Variants in THSD4 observed in about 807,000 individuals in gnomAD.
THSD4 encodes the protein thrombospondin type 1 domain containing 4.
THSD4 carries 69 observed loss-of-function variants against 119.0 expected under a neutral mutation model. The ratio of observed to expected loss-of-function variants is 0.58; its 90% CI spans 0.48 to 0.71. The LOEUF (loss-of-function observed/expected upper bound fraction) is 0.71. THSD4 is among the 30% of genes least tolerant of loss of function. The probability of loss-of-function intolerance (pLI) is 0.00; values close to 1 mark genes in which losing one functional copy is unlikely to be tolerated. For missense variants in THSD4, 1,393 were observed against 1,391.1 expected (o/e 1.00, Z -0.02); for synonymous variants, 524 against 540.4 (o/e 0.97, Z 0.42).
At chr15:71,236,761 C>A (rs2140269317) in intron 4 of THSD4, among the ~76,000 whole-genome samples, 1 of 152,220 alleles carries the variant, frequency 6.6e-6, no homozygotes, top group South Asian at 2.1e-4. Flanking sequence ...GAGCCTGCAG[C>A]CTGGTCAACT....
At chr15:71,642,805 TG>T (rs1210263886) in intron 7 of THSD4, among the ~76,000 whole-genome samples, 1 of 118,350 alleles carries the variant, frequency 8.4e-6, no homozygotes, top group Non-Finnish European at 1.7e-5. Context: ...TGTTGTGGGG[TG>T]GGGGGAGTGG....
chr15:71,376,852 G>T (rs2046143630), intron 6 of THSD4, among the ~76,000 whole-genome samples: 1 of 152,236 alleles, frequency 6.6e-6, no homozygotes, highest in African/African-American at 2.4e-5. Context: ...GGTAAGATCA[G>T]ATTTTGAGGG....
chr15:71,581,168 A>G (rs2049551277), intron 7 of THSD4, among the ~76,000 whole-genome samples: 1 of 152,160 alleles, frequency 6.6e-6, no homozygotes, highest in South Asian at 2.1e-4. Context: ...ACCAGTTTGC[A>G]TTTCCATCAA....
At chr15:71,390,936 T>G (rs1267816446) in intron 6 of THSD4, among the ~76,000 whole-genome samples, 3 of 134,790 alleles carry the variant, frequency 2.2e-5, no homozygotes, top group African/African-American at 8.2e-5. Context: ...CATAGCTCAC[T>G]GCACCCTTGA....
At chr15:71,510,943 TTGTG>T (rs56231960) in intron 7 of THSD4, among the ~76,000 whole-genome samples, 393 of 98,904 alleles carry the variant, frequency 4.0e-3, no homozygotes, top group South Asian at 7.8e-3. Flanking sequence ...GAGTGATGTT[TTGTG>T]TGAGAGGATG....
chr15:71,515,380 G>A (rs1162402486), intron 7 of THSD4, among the ~76,000 whole-genome samples: 28 of 152,194 alleles, frequency 1.8e-4, no homozygotes, highest in Non-Finnish European at 1.5e-5. Context: ...ATTGATGTTT[G>A]AGTGTAGTAG....
chr15:71,427,510 G>C (rs1449076889), intron 7 of THSD4, among the ~76,000 whole-genome samples: 1 of 151,054 alleles, frequency 6.6e-6, no homozygotes, highest in African/African-American at 2.4e-5. Flanking sequence ...TCTCCAGGGA[G>C]GGCAGGAGTC....
chr15:71,358,974 G>A (rs1177915516), intron 6 of THSD4, among the ~76,000 whole-genome samples: 1 of 152,170 alleles, frequency 6.6e-6, no homozygotes, highest in Non-Finnish European at 1.5e-5. Context: ...AGCCCACCCT[G>A]TCAGCTATTT....
At chr15:71,433,125 T>C (rs1200403771) in intron 7 of THSD4, among the ~76,000 whole-genome samples, 1 of 151,742 alleles carries the variant, frequency 6.6e-6, no homozygotes, top group East Asian at 1.9e-4. Flanking sequence ...AGAACAGTTT[T>C]TTAATGTGGA....
At chr15:71,337,844 A>C (rs7180866) in intron 6 of THSD4, among the ~76,000 whole-genome samples, 53,080 of 151,964 alleles carry the variant, frequency 0.35, 9,537 homozygotes, top group South Asian at 0.45. Flanking sequence ...ATGTAGGCAG[A>C]AATGGGCAAT....
intron 6 of THSD4, among the ~76,000 whole-genome samples, chr15:71,284,067 G>T (rs1028705171): frequency 1.3e-5 from 2 of 152,174 alleles, no homozygotes; most frequent in African/African-American, 2.4e-5. Flanking sequence ...TTTCTCTTAA[G>T]TGTCCTTAGC....
chr15:71,242,576 G>C (rs773540814), intron 4 of THSD4, 73 bp from the exon 5 acceptor site: 1 of 1,513,708 alleles, frequency 6.6e-7, no homozygotes. Flanking sequence ...TCTCTACCAC[G>C]GACCAGAGCT....
At chr15:71,248,427 G>A (rs1463940287) in intron 5 of THSD4, among the ~76,000 whole-genome samples, 1 of 152,180 alleles carries the variant, frequency 6.6e-6, no homozygotes, top group Non-Finnish European at 1.5e-5. Flanking sequence ...AGAGGAGACT[G>A]ATTGATACTC....
chr15:71,631,426 C>T lies in THSD4; in HGVS notation c.1153-29104C>T, dbSNP rs76753304. 2.5e-3 allele frequency among the ~76,000 whole-genome samples: 375 copies of T among 152,204 alleles called. 1 individual carries two copies. The highest frequency in any genetic ancestry group is 8.7e-3 in the African/African-American group (361 of 41,534). Reference sequence around the variant, plus strand: ...AGGAAAGGCCGAGAATGACAAACACCCTCACTAAGTCTCTGTGTTTGCTCT... The same window carrying T: ...AGGAAAGGCCGAGAATGACAAACACTCTCACTAAGTCTCTGTGTTTGCTCT... On this transcript the variant is annotated intron_variant, in intron 7 of 17. Coordinates refer to ENST00000261862, the MANE Select transcript of THSD4 (RefSeq NM_024817.3).
intron 7 of THSD4, among the ~76,000 whole-genome samples, chr15:71,526,817 A>C (rs932962981): frequency 7.2e-5 from 11 of 152,204 alleles, no homozygotes; most frequent in African/African-American, 2.7e-4. Flanking sequence ...CCTAGAATAG[A>C]TTCTCTTATA....
Position 71,206,989 on chromosome 15 carries a change from A to G in THSD4, c.100-8046A>G, listed in dbSNP as rs150745147. 1.2e-3 allele frequency among the ~76,000 whole-genome samples: 182 copies of G among 152,242 alleles called. 2 individuals are homozygous for G. In the East Asian group the frequency reaches 0.031, roughly 26 times the overall value. ...TGTTCCTATGCTACAGAATCTTTACATTATTATAATCATGGTGTCGTTATA... is the reference window on the plus strand; with the variant it reads ...TGTTCCTATGCTACAGAATCTTTACGTTATTATAATCATGGTGTCGTTATA... On this transcript the variant is annotated intron_variant, in intron 3 of 17. Coordinates refer to ENST00000261862, the MANE Select transcript of THSD4 (RefSeq NM_024817.3).
chr15:71,501,724 T>G (rs2140730542), intron 7 of THSD4, among the ~76,000 whole-genome samples: 1 of 152,380 alleles, frequency 6.6e-6, no homozygotes, highest in South Asian at 2.1e-4. Context: ...GATAAAATAT[T>G]GTGTTCCTTT....
intron 15 of THSD4, 92 bp from the exon 16 acceptor site, chr15:71,764,928 G>T: frequency 6.8e-7 from 1 of 1,463,924 alleles, no homozygotes; most frequent in East Asian, 2.3e-5. Flanking sequence ...TGGTAGAATT[G>T]ACGGTGCCCG....
intron 6 of THSD4, among the ~76,000 whole-genome samples, chr15:71,312,200 C>T (rs1024633486): frequency 2.6e-5 from 4 of 151,962 alleles, no homozygotes; most frequent in East Asian, 1.9e-4. Context: ...TAATTGAGGC[C>T]GTCTGTAATC....
Sources: allele counts gnomAD v4.1 joint callset (sites outside exome capture counted in the v4.1 genomes callset), GRCh38; gene constraint gnomAD v4.1.1; transcripts MANE v1.5; gene names NCBI Gene and HGNC (gene_info 2026-07-23, HGNC 2026-07-21).